The following NEMF variants were observed in gnomAD, a reference collection of about 807,000 sequenced individuals.
NEMF encodes the protein nuclear export mediator factor, also known as ribosome quality control complex subunit NEMF.
In NEMF, 89 loss-of-function variants were observed where a neutral mutation model predicts 162.2. That is an observed-to-expected ratio of 0.55 (90% CI 0.46 to 0.65). The LOEUF is 0.65. Ranked by LOEUF, NEMF falls within the 30% of genes least tolerant of loss-of-function variation. NEMF has a pLI of 0.00. For synonymous variants in NEMF, 421 were observed against 404.5 expected (o/e 1.04, Z -0.49); for missense variants, 1,133 against 1,261.9 (o/e 0.90, Z 1.55).
In NEMF at chr14:49,782,758, G is replaced by A. The variant is rs1443835200; in HGVS notation, c.*1878C>T. 2.0e-6 allele frequency: 3 copies of A among 1,524,600 alleles called. No individual in the cohort carries two copies. The highest frequency in any genetic ancestry group is 1.8e-6 in the Non-Finnish European group (2 of 1,120,438). 94.4% of individuals were successfully genotyped at this position (1,524,600 alleles called of 1,614,324 possible). Reference sequence around the variant, plus strand: ...GAAGAAAGAAAGAGGGATGTTTTATGTAGTTTTTCAAGTGAATGTACTTCC... The same window carrying A: ...GAAGAAAGAAAGAGGGATGTTTTATATAGTTTTTCAAGTGAATGTACTTCC... On this transcript the variant is annotated 3_prime_UTR_variant, in exon 33 of 33. Transcript: ENST00000298310.
At chr14:49,813,959 G>C in intron 18 of NEMF, 29 bp downstream of exon 18, 1 of 1,259,420 alleles carries the variant, frequency 7.9e-7, no homozygotes. Flanking sequence ...GAAAGGAACA[G>C]GAATTCTGAA....
chr14:49,828,093 T>C (rs1892451802), intron 15 of NEMF, among the ~76,000 whole-genome samples, 198 bp downstream of exon 15: 1 of 152,216 alleles, frequency 6.6e-6, no homozygotes, highest in African/African-American at 2.4e-5. Flanking sequence ...ATGAAGGTGT[T>C]ATTTACTGAG....
intron 4 of NEMF, 78 bp from the exon 5 acceptor site, chr14:49,840,944 C>A: frequency 7.6e-7 from 1 of 1,309,324 alleles, no homozygotes; most frequent in South Asian, 1.4e-5. Flanking sequence ...CACCTGTAAC[C>A]CCAGCACTGT....
At position 49,829,149 on chromosome 14, in the gene NEMF, C is replaced by T. The variant is rs1313875058; in HGVS notation, c.1137G>A (p.Gly379=). 4 of 1,614,054 alleles carry T rather than the reference C, an allele frequency of 2.5e-6. No homozygotes were observed. Among genetic ancestry groups the T allele is most frequent in the Non-Finnish European group, 3.4e-6 (4 of 1,180,042 alleles). The change falls in exon 13 of 33, where the codon GGG becomes GGA. Residue 379 remains glycine, a synonymous_variant. Coordinates refer to ENST00000298310, the MANE Select transcript of NEMF (RefSeq NM_004713.6). ...GAGCCTGGGCTTCTTTCACAATTAA[C>T]CCAATTTCTGTCCAATCTATCTGGT... ...LANQIDWTEI[G]LIVKEAQAQG... is the part of the protein sequence containing the mutation.
At chr14:49,838,570 CT>C (rs907026827) in intron 5 of NEMF, among the ~76,000 whole-genome samples, 110 of 146,246 alleles carry the variant, frequency 7.5e-4, no homozygotes, top group African/African-American at 2.2e-3. Flanking sequence ...CATCGAACAA[CT>C]TTTTTTTTGT....
At chr14:49,830,789 T>C (rs1892595923) in intron 11 of NEMF, among the ~76,000 whole-genome samples, 1 of 152,276 alleles carries the variant, frequency 6.6e-6, no homozygotes, top group Non-Finnish European at 1.5e-5. Flanking sequence ...GAAACTGTTC[T>C]GCAGCAAATG....
intron 4 of NEMF, among the ~76,000 whole-genome samples, chr14:49,843,920 GA>G (rs2140017768): frequency 6.6e-6 from 1 of 152,256 alleles, no homozygotes; most frequent in Non-Finnish European, 1.5e-5. Context: ...CCAATATGGT[GA>G]AACCCCATCT....
chr14:49,801,015 TTGC>T (rs1398728420), intron 22 of NEMF: 10 of 275,172 alleles, frequency 3.6e-5, no homozygotes, highest in African/African-American at 1.1e-4. Flanking sequence ...TGCATAACTT[TTGC>T]TGCTTTTATT....
At chr14:49,800,821 T>C (rs2139857626) in intron 22 of NEMF, 125 bp from the exon 23 acceptor site, 2 of 862,974 alleles carry the variant, frequency 2.3e-6, no homozygotes, top group Admixed American at 2.5e-5. Context: ...CAGAAAAGTG[T>C]CTGATCATTC....
intron 3 of NEMF, among the ~76,000 whole-genome samples, chr14:49,850,064 C>G (rs985330013): frequency 2.6e-5 from 4 of 152,026 alleles, no homozygotes; most frequent in Admixed American, 2.0e-4. Context: ...AGGAAATGAA[C>G]ATGTATGGAG....
chr14:49,802,787 A>AC, intron 20 of NEMF, 60 bp from the exon 21 acceptor site: 1 of 1,297,960 alleles, frequency 7.7e-7, no homozygotes, highest in Non-Finnish European at 1.1e-6. Flanking sequence ...TTTTGCTTGT[A>AC]AAACAAAAAA....
rs1889975253 is a variant in NEMF, at chr14:49,782,895, A to G, written c.*1741T>C. 1 of 1,613,896 alleles carries G rather than the reference A, an allele frequency of 6.2e-7. No individual in the cohort carries two copies. The highest frequency in any genetic ancestry group is 8.5e-7 in the Non-Finnish European group (1 of 1,179,842). On this transcript the variant is annotated 3_prime_UTR_variant, in exon 33 of 33. Coordinates refer to ENST00000298310, the MANE Select transcript of NEMF (RefSeq NM_004713.6). ...GCCAACTCATGGAACTGCCTTCCAA[A>G]ACACTTACTTCACAGTGTTAATCAG... is the stretch of plus-strand genomic sequence containing the variant.
chr14:49,822,790 G>A (rs756774676), intron 16 of NEMF, among the ~76,000 whole-genome samples: 4 of 151,426 alleles, frequency 2.6e-5, no homozygotes, highest in South Asian at 2.1e-4. Context: ...AAAGCCTACT[G>A]CCATGTTAAG....
At position 49,812,799 on chromosome 14, in the gene NEMF, CT is replaced by C. The variant is rs1045527980; in HGVS notation, c.1744+1188del. Among the ~76,000 whole-genome samples, 650 of 144,030 alleles carry C rather than the reference CT, an allele frequency of 4.5e-3. 2 individuals carry two copies. The highest frequency in any genetic ancestry group is 7.3e-3 in the Non-Finnish European group (480 of 65,502). 94.5% of individuals were successfully genotyped at this position (144,030 alleles called of 152,430 possible). ...TTCAACAGTTTTAAATGTATTGAGGCTTTTTTTTTTTGAGATGGAGTCTCGC... is the reference window on the plus strand; with the variant it reads ...TTCAACAGTTTTAAATGTATTGAGGCTTTTTTTTTTGAGATGGAGTCTCGC... On this transcript the variant is annotated intron_variant, in intron 18 of 32. Coordinates refer to ENST00000298310, the MANE Select transcript of NEMF (RefSeq NM_004713.6).
intron 28 of NEMF, among the ~76,000 whole-genome samples, chr14:49,787,906 A>T (rs903258159): frequency 1.3e-5 from 2 of 152,240 alleles, no homozygotes; most frequent in African/African-American, 4.8e-5. Context: ...GCACACAATT[A>T]TAACTCAAGC....
chr14:49,843,562 C>T (rs1028044739), intron 4 of NEMF, among the ~76,000 whole-genome samples: 9 of 152,186 alleles, frequency 5.9e-5, no homozygotes, highest in African/African-American at 1.9e-4. Flanking sequence ...AATGGGGATA[C>T]ATTCTAAGAA....
intron 5 of NEMF, chr14:49,839,852 A>G (rs1403169361): frequency 6.6e-6 from 1 of 152,202 alleles, no homozygotes; most frequent in Non-Finnish European, 1.5e-5. Flanking sequence ...AAATTTAAAA[A>G]AATTACAATG....
Position 49,784,662 on chromosome 14 carries a change from T to G in NEMF, c.3205A>C (p.Asn1069His). 3 of 1,611,496 alleles carry G rather than the reference T, an allele frequency of 1.9e-6. No individual in the cohort carries two copies. Among genetic ancestry groups the G allele is most frequent in the Non-Finnish European group, 2.5e-6 (3 of 1,178,854 alleles). ...IPGKVKVSAP[N>H]LLNVKRK Reference sequence around the variant, plus strand: ...TATTTCCTTTTTACGTTCAGAAGATTGGGTGCAGACACTTTCACTTTGCCA... The same window carrying G: ...TATTTCCTTTTTACGTTCAGAAGATGGGGTGCAGACACTTTCACTTTGCCA... Residue 1069 changes from asparagine (N) to histidine (H), a missense_variant, in exon 33 of 33, where the codon AAT becomes CAT. By Grantham distance (68) the Asn-to-His change is moderately conservative. Around this residue, in one of 3 missense-constraint regions of NEMF, gnomAD observed 532 missense variants for 578.6 expected, o/e 0.92. Coordinates refer to ENST00000298310, the MANE Select transcript of NEMF (RefSeq NM_004713.6).
intron 26 of NEMF, among the ~76,000 whole-genome samples, chr14:49,794,768 C>G (rs1317333556): frequency 1.4e-5 from 2 of 142,182 alleles, no homozygotes; most frequent in African/African-American, 5.3e-5. Context: ...ACCCAGGCTG[C>G]GGTGCAGTGG....
Sources: gnomAD v4.1 joint callset for allele counts (sites outside exome capture counted in the v4.1 genomes callset) on GRCh38, gnomAD v4.1.1 for gene constraint, gnomAD v4.1.1 regional missense constraint, MANE v1.5 for transcripts, NCBI Gene and HGNC (gene_info 2026-07-23, HGNC 2026-07-21) for gene names.